Variants in ATP8A2 observed in about 807,000 individuals in gnomAD.
ATP8A2 encodes the protein ATPase phospholipid transporting 8A2, also known as phospholipid-transporting ATPase IB.
A neutral mutation model predicts 165.6 loss-of-function variants in ATP8A2; 100 were observed. The observed-to-expected ratio is 0.60, with a 90% confidence interval of 0.51 to 0.71. ATP8A2 has a LOEUF of 0.71. Among genes scored for constraint, ATP8A2 ranks in the 30% least tolerant of loss-of-function variants. The pLI, the probability that ATP8A2 is intolerant of heterozygous loss-of-function variation, is 0.00. For missense variants in ATP8A2, 1,227 were observed against 1,479.5 expected (o/e 0.83, Z 2.80); for synonymous variants, 543 against 548.8 (o/e 0.99, Z 0.15).
intron 33 of ATP8A2, among the ~76,000 whole-genome samples, chr13:25,919,028 A>G (rs551989845): frequency 3.9e-5 from 6 of 152,366 alleles, no homozygotes; most frequent in Non-Finnish European, 7.3e-5. Flanking sequence ...ACTGTGTTGC[A>G]TGAAAACCAT....
intron 30 of ATP8A2, among the ~76,000 whole-genome samples, chr13:25,845,258 C>G (rs549412271): frequency 1.1e-4 from 16 of 152,298 alleles, no homozygotes; most frequent in Admixed American, 6.5e-4. Context: ...TCAGCCCACA[C>G]CCGGGTTTCC....
chr13:25,542,083 T>C lies in ATP8A2; in HGVS notation c.779+37T>C, dbSNP rs191327908. 4 of 1,590,800 alleles carry C rather than the reference T, an allele frequency of 2.5e-6. No individual in the cohort carries two copies. In the East Asian group the frequency reaches 6.7e-5, roughly 27 times the overall value. Reference sequence around the variant, plus strand: ...CTTTTCTTCATTGTCTTTTAAACTATGTGACTAAGAATTACTGGAGCTTTG... The same window carrying C: ...CTTTTCTTCATTGTCTTTTAAACTACGTGACTAAGAATTACTGGAGCTTTG... On this transcript the variant is annotated intron_variant, in intron 9 of 36. Coordinates refer to ENST00000381655, the MANE Select transcript of ATP8A2 (RefSeq NM_016529.6).
chr13:25,894,928 T>C (rs950891686), intron 33 of ATP8A2, among the ~76,000 whole-genome samples: 9 of 152,168 alleles, frequency 5.9e-5, no homozygotes, highest in Non-Finnish European at 1.3e-4. Context: ...CTTAAGGAGA[T>C]TTTGGGCTGA....
intron 24 of ATP8A2, among the ~76,000 whole-genome samples, chr13:25,619,677 G>T (rs563619988): frequency 5.3e-5 from 8 of 152,160 alleles, no homozygotes; most frequent in Non-Finnish European, 7.3e-5. Flanking sequence ...AGGTTGAATA[G>T]TATATTAGTT....
At chr13:25,381,494 G>A (rs2032835239) in intron 1 of ATP8A2, among the ~76,000 whole-genome samples, 1 of 152,152 alleles carries the variant, frequency 6.6e-6, no homozygotes, top group African/African-American at 2.4e-5. Flanking sequence ...TTATTACCAG[G>A]GGATGCTGCT....
chr13:25,812,606 T>C (rs956649398), intron 27 of ATP8A2, among the ~76,000 whole-genome samples: 3 of 90,778 alleles, frequency 3.3e-5, no homozygotes, highest in East Asian at 6.8e-4. Flanking sequence ...AAATGAGTAA[T>C]AGGAATAGAA....
At chr13:25,766,040 C>T (rs560934695) in intron 25 of ATP8A2, among the ~76,000 whole-genome samples, 7 of 152,274 alleles carry the variant, frequency 4.6e-5, no homozygotes, top group Non-Finnish European at 7.3e-5. Context: ...AAGGAGGAGT[C>T]GCAGCCTCAG....
chr13:25,730,070 G>GCCCA (rs143897030), intron 25 of ATP8A2, among the ~76,000 whole-genome samples: 2 of 152,062 alleles, frequency 1.3e-5, no homozygotes, highest in Admixed American at 6.5e-5. Flanking sequence ...TGGGCAGATT[G>GCCCA]CTTGAACCCA....
At chr13:25,819,978 A>G (rs1566171660) in intron 27 of ATP8A2, among the ~76,000 whole-genome samples, 1 of 152,298 alleles carries the variant, frequency 6.6e-6, no homozygotes, top group East Asian at 1.9e-4. Flanking sequence ...ATTATTCTCC[A>G]TAGGGTACTT....
At chr13:25,713,618 C>T (rs1436817010) in intron 25 of ATP8A2, among the ~76,000 whole-genome samples, 2 of 152,086 alleles carry the variant, frequency 1.3e-5, no homozygotes, top group African/African-American at 4.8e-5. Context: ...GTACTTTTTT[C>T]TGAGGCGATT....
intron 3 of ATP8A2, 65 bp downstream of exon 3, chr13:25,530,163 G>A: frequency 9.5e-7 from 1 of 1,049,430 alleles, no homozygotes; most frequent in East Asian, 2.4e-5. Context: ...TTTTGCTAAA[G>A]GTTCCTTAAC....
At chr13:25,412,619 G>A (rs1397613983) in intron 1 of ATP8A2, among the ~76,000 whole-genome samples, 2 of 152,200 alleles carry the variant, frequency 1.3e-5, no homozygotes, top group Non-Finnish European at 2.9e-5. Flanking sequence ...TTCTTTGGGA[G>A]CAAAAGGTGG....
At chr13:25,583,295 G>C (rs2138252705) in intron 23 of ATP8A2, among the ~76,000 whole-genome samples, 1 of 152,248 alleles carries the variant, frequency 6.6e-6, no homozygotes, top group East Asian at 1.9e-4. Flanking sequence ...GGCCCCTGTT[G>C]TTTGCATGCT....
chr13:25,875,126 GAC>G (rs35088426), intron 33 of ATP8A2, among the ~76,000 whole-genome samples: 21,762 of 151,978 alleles, frequency 0.14, 1,834 homozygotes, highest in Non-Finnish European at 0.2. Flanking sequence ...CTGTTTAATA[GAC>G]ACAGAGTTGC....
intron 1 of ATP8A2, among the ~76,000 whole-genome samples, chr13:25,435,331 G>C (rs567619565): frequency 7.9e-5 from 12 of 152,104 alleles, no homozygotes; most frequent in African/African-American, 2.9e-4. Flanking sequence ...ATGTTGGTCA[G>C]GCTGGTCTCG....
chr13:25,619,198 C>G (rs1366328293), intron 24 of ATP8A2, among the ~76,000 whole-genome samples: 5 of 152,092 alleles, frequency 3.3e-5, no homozygotes, highest in African/African-American at 1.2e-4. Context: ...GTTTAGGGAG[C>G]TTCCTCCCAT....
At chr13:25,720,291 T>C (rs1322203003) in intron 25 of ATP8A2, among the ~76,000 whole-genome samples, 1 of 150,886 alleles carries the variant, frequency 6.6e-6, no homozygotes, top group African/African-American at 2.5e-5. Context: ...CCTCAGCCTG[T>C]AGCTGGGACT....
chr13:25,727,138 T>C (rs922284820), intron 25 of ATP8A2, among the ~76,000 whole-genome samples: 4 of 152,192 alleles, frequency 2.6e-5, no homozygotes, highest in Admixed American at 6.5e-5. Flanking sequence ...GGTGTGTTTT[T>C]TCTCAGATCT....
At chr13:25,851,414 C>G (rs1274098072) in intron 30 of ATP8A2, among the ~76,000 whole-genome samples, 1 of 152,062 alleles carries the variant, frequency 6.6e-6, no homozygotes, top group East Asian at 1.9e-4. Context: ...AAACCCCCGT[C>G]TCTGCTAAAA....
Sources: allele counts gnomAD v4.1 joint callset (sites outside exome capture counted in the v4.1 genomes callset), GRCh38; gene constraint gnomAD v4.1.1; transcripts MANE v1.5; gene names NCBI Gene and HGNC (gene_info 2026-07-23, HGNC 2026-07-21).